Variants in MGMT observed in about 807,000 individuals in gnomAD.
MGMT encodes the protein O-6-methylguanine-DNA methyltransferase, also known as methylated-DNA--protein-cysteine methyltransferase.
A neutral mutation model predicts 15.9 loss-of-function variants in MGMT; 14 were observed. The observed-to-expected ratio is 0.88, with a 90% CI of 0.58 to 1.37. MGMT has a LOEUF of 1.37. Ranked by LOEUF, MGMT falls within the 40% of genes most tolerant of loss-of-function variation. The pLI is 0.00. For missense variants in MGMT, 282 were observed against 268.1 expected, an observed-to-expected ratio of 1.05 and a Z score of -0.36; for synonymous variants, 130 against 118.2, an observed-to-expected ratio of 1.10 and a Z score of -0.65.
chr10:129,613,066 C>T (rs189644193), intron 2 of MGMT, among the ~76,000 whole-genome samples: 1 of 152,278 alleles, frequency 6.6e-6, no homozygotes, highest in Admixed American at 6.5e-5. Flanking sequence ...TTATTCATTC[C>T]TGTTCACTCT....
chr10:129,686,352 T>C (rs887232490), intron 2 of MGMT, among the ~76,000 whole-genome samples: 2 of 152,134 alleles, frequency 1.3e-5, no homozygotes, highest in African/African-American at 4.8e-5. Flanking sequence ...CCAGAGGCCT[T>C]GTCTCTGTTT....
chr10:129,737,855 T>A (rs1240527198), intron 3 of MGMT, among the ~76,000 whole-genome samples: 2 of 152,114 alleles, frequency 1.3e-5, no homozygotes, highest in African/African-American at 4.8e-5. Context: ...TGCCTCCCAG[T>A]TAGGCTGCTT....
intron 3 of MGMT, among the ~76,000 whole-genome samples, chr10:129,720,353 G>C (rs753673496): frequency 6.6e-6 from 1 of 152,176 alleles, no homozygotes; most frequent in African/African-American, 2.4e-5. Flanking sequence ...GATTGGAGTG[G>C]GGTCACTGGG....
intron 1 of MGMT, among the ~76,000 whole-genome samples, chr10:129,504,161 T>G (rs575934594): frequency 1.3e-5 from 2 of 152,340 alleles, no homozygotes; most frequent in South Asian, 4.1e-4. Flanking sequence ...CAGGAATGCT[T>G]GGGCAGGACT....
chr10:129,574,169 A>C (rs1161865112), intron 2 of MGMT, among the ~76,000 whole-genome samples: 1 of 152,254 alleles, frequency 6.6e-6, no homozygotes, highest in Non-Finnish European at 1.5e-5. Flanking sequence ...AATTTTCAGC[A>C]AATAGTTTGA....
At chr10:129,634,881 A>G (rs1847248441) in intron 2 of MGMT, among the ~76,000 whole-genome samples, 1 of 152,112 alleles carries the variant, frequency 6.6e-6, no homozygotes, top group Non-Finnish European at 1.5e-5. Context: ...CTTTGATTGC[A>G]TGTCCAGTAT....
At chr10:129,577,119 T>C (rs1199255390) in intron 2 of MGMT, among the ~76,000 whole-genome samples, 2 of 152,092 alleles carry the variant, frequency 1.3e-5, no homozygotes, top group African/African-American at 4.8e-5. Flanking sequence ...CCCAAGGTAA[T>C]TTATAGATTC....
chr10:129,688,412 G>A (rs1180934063), intron 2 of MGMT, among the ~76,000 whole-genome samples: 1 of 152,084 alleles, frequency 6.6e-6, no homozygotes, highest in Non-Finnish European at 1.5e-5. Flanking sequence ...ATCTCATTGT[G>A]GTTTTGATTT....
chr10:129,705,964 A>G (rs1269437603), intron 2 of MGMT, among the ~76,000 whole-genome samples: 1 of 152,182 alleles, frequency 6.6e-6, no homozygotes. Flanking sequence ...TGGAGCTGAG[A>G]GTCATCCCTG....
chr10:129,726,128 A>G (rs1265876797), intron 3 of MGMT, among the ~76,000 whole-genome samples: 2 of 151,988 alleles, frequency 1.3e-5, no homozygotes, highest in East Asian at 3.9e-4. Context: ...AGTGCTTTCC[A>G]AGTGGCGGGG....
At chr10:129,628,209 T>C (rs1847172089) in intron 2 of MGMT, among the ~76,000 whole-genome samples, 2 of 152,164 alleles carry the variant, frequency 1.3e-5, no homozygotes, top group African/African-American at 4.8e-5. Context: ...TTTACACTGG[T>C]CTGTTCATCA....
At chr10:129,510,832 G>A (rs1337947471) in intron 1 of MGMT, among the ~76,000 whole-genome samples, 1 of 149,966 alleles carries the variant, frequency 6.7e-6, no homozygotes, top group Non-Finnish European at 1.5e-5. Flanking sequence ...CTAGACGCAG[G>A]CACGTGCTTC....
At chr10:129,739,691 C>T (rs901637523) in intron 3 of MGMT, among the ~76,000 whole-genome samples, 8 of 152,204 alleles carry the variant, frequency 5.3e-5, no homozygotes, top group Admixed American at 5.2e-4. Context: ...CAATCCTCAG[C>T]CTGCGAGCCA....
intron 2 of MGMT, among the ~76,000 whole-genome samples, chr10:129,705,390 T>A (rs530579792): frequency 1.1e-3 from 169 of 152,364 alleles, no homozygotes; most frequent in African/African-American, 4.0e-3. Context: ...TAAGCCAAAG[T>A]AATTTGTATC....
rs1035226198 is a variant in MGMT, at chr10:129,474,664, G to A, written c.-13+7368G>A. Reference sequence around the variant, plus strand: ...ATTGCTCCCACCCCAGCCTGTCCCTGTTGGGGGCAACCTGTACGTCCTGCA... The same window carrying A: ...ATTGCTCCCACCCCAGCCTGTCCCTATTGGGGGCAACCTGTACGTCCTGCA... On this transcript the variant is annotated intron_variant, in intron 1 of 4. Transcript: ENST00000651593. Among the ~76,000 whole-genome samples, 8 of 152,232 alleles carry A rather than the reference G, an allele frequency of 5.3e-5. 1 individual carries two copies. Among genetic ancestry groups the A allele is most frequent in the Middle Eastern group, 3.2e-3 (1 of 316 alleles).
intron 3 of MGMT, among the ~76,000 whole-genome samples, chr10:129,756,481 G>GT (rs1046387918): frequency 3.9e-5 from 6 of 152,008 alleles, no homozygotes; most frequent in Admixed American, 1.3e-4. Context: ...TTTGTTTTTT[G>GT]TTTTTTGAGA....
In MGMT at chr10:129,769,794, G is replaced by C. The variant is rs955814781; in HGVS notation, c.*2797G>C. On this transcript the variant is annotated 3_prime_UTR_variant, in exon 5 of 5. Transcript: ENST00000651593. The stretch of plus-strand genomic sequence containing the variant: ...CCGCCTCCAGTGGTGAGTCTGTGAG[G>C]CCAGAGAAGAGAAGCTATGACCGTG... Among the ~76,000 whole-genome samples, 5 of 152,186 alleles carry C rather than the reference G, an allele frequency of 3.3e-5. No homozygotes were observed. The highest frequency in any genetic ancestry group is 7.3e-5 in the Non-Finnish European group (5 of 68,038).
intron 2 of MGMT, among the ~76,000 whole-genome samples, chr10:129,684,984 C>G (rs1284599893): frequency 6.6e-6 from 1 of 152,234 alleles, no homozygotes; most frequent in Admixed American, 6.5e-5. Context: ...AGTTCTATGA[C>G]AGGCCCGAGT....
At chr10:129,472,079 T>A (rs2119614509) in intron 1 of MGMT, among the ~76,000 whole-genome samples, 1 of 152,336 alleles carries the variant, frequency 6.6e-6, no homozygotes, top group African/African-American at 2.4e-5. Flanking sequence ...TCTTTCCTTT[T>A]GAGAGGGTTG....
Sources: allele counts gnomAD v4.1 joint callset (sites outside exome capture counted in the v4.1 genomes callset), GRCh38; gene constraint gnomAD v4.1.1; transcripts MANE v1.5; gene names NCBI Gene and HGNC (gene_info 2026-07-23, HGNC 2026-07-21).